Variants in ADAM22 observed in about 807,000 individuals in gnomAD.
The protein encoded by ADAM22 is ADAM metallopeptidase domain 22, also known as disintegrin and metalloproteinase domain-containing protein 22.
Under a neutral mutation model 144.6 loss-of-function variants are expected in ADAM22, and 65 were observed. The ratio of observed to expected loss-of-function variants is 0.45; its 90% CI spans 0.37 to 0.55. ADAM22 has a LOEUF of 0.55. Among genes scored for constraint, ADAM22 ranks in the 20% least tolerant of loss-of-function variants. ADAM22 has a pLI of 0.00. For missense variants in ADAM22, 974 were observed against 1,184.9 expected, an observed-to-expected ratio of 0.82 and a Z score of 2.61; for synonymous variants, 391 against 412.6, an observed-to-expected ratio of 0.95 and a Z score of 0.63.
intron 2 of ADAM22, among the ~76,000 whole-genome samples, chr7:87,964,037 G>A (rs1336492379): frequency 1.3e-5 from 2 of 152,084 alleles, no homozygotes; most frequent in Non-Finnish European, 2.9e-5. Flanking sequence ...TAGTCTTCAT[G>A]TGATTCTGAC....
chr7:88,110,398 C>A (rs1318399425), intron 5 of ADAM22, among the ~76,000 whole-genome samples: 1 of 152,060 alleles, frequency 6.6e-6, no homozygotes, highest in African/African-American at 2.4e-5. Flanking sequence ...CTAGTGTCAG[C>A]ATCTTTCTCA....
intron 2 of ADAM22, among the ~76,000 whole-genome samples, chr7:87,953,421 G>T (rs540717372): frequency 6.6e-6 from 1 of 152,112 alleles, no homozygotes; most frequent in Non-Finnish European, 1.5e-5. Flanking sequence ...TTCAGGAGCA[G>T]GTTGTTCAGT....
intron 2 of ADAM22, among the ~76,000 whole-genome samples, chr7:87,952,369 C>G (rs1193479053): frequency 6.6e-6 from 1 of 152,118 alleles, no homozygotes; most frequent in Non-Finnish European, 1.5e-5. Context: ...TGAATTTTGT[C>G]AAAGGCCTTT....
At chr7:87,970,745 G>A (rs112667077) in intron 2 of ADAM22, among the ~76,000 whole-genome samples, 5 of 152,126 alleles carry the variant, frequency 3.3e-5, no homozygotes, top group South Asian at 2.1e-4. Context: ...TATTAATTCC[G>A]CATTTTAATT....
intron 3 of ADAM22, among the ~76,000 whole-genome samples, chr7:87,988,006 T>C (rs1266848011): frequency 2.6e-5 from 4 of 152,148 alleles, no homozygotes; most frequent in African/African-American, 7.2e-5. Context: ...TCCTTTATTA[T>C]TTTGTCTATA....
At chr7:87,999,404 G>A (rs1439310020) in intron 3 of ADAM22, among the ~76,000 whole-genome samples, 2 of 111,424 alleles carry the variant, frequency 1.8e-5, no homozygotes, top group Non-Finnish European at 4.0e-5. Context: ...ACATGTGCTG[G>A]AATCAAGAAT....
At chr7:88,155,578 T>A (rs1563345295) in intron 21 of ADAM22, among the ~76,000 whole-genome samples, 1 of 151,508 alleles carries the variant, frequency 6.6e-6, no homozygotes, top group East Asian at 1.9e-4. Context: ...TATCCAGTAT[T>A]GTGTTATGGG....
At chr7:88,184,417 G>T (rs1239119996) in intron 29 of ADAM22, 1 of 368,890 alleles carries the variant, frequency 2.7e-6, no homozygotes, top group Admixed American at 3.6e-5. Flanking sequence ...GTCTCCACCT[G>T]CCCCTTCATT....
At chr7:87,993,808 G>A (rs543043650) in intron 3 of ADAM22, among the ~76,000 whole-genome samples, 1 of 152,236 alleles carries the variant, frequency 6.6e-6, no homozygotes, top group East Asian at 1.9e-4. Context: ...CCAATAGGTG[G>A]TATTTTAGGA....
At chr7:88,015,915 T>C (rs548317974) in intron 3 of ADAM22, among the ~76,000 whole-genome samples, 3 of 150,508 alleles carry the variant, frequency 2.0e-5, no homozygotes, top group Admixed American at 6.7e-5. Context: ...ACTTTTCCCA[T>C]GAGACAACTG....
intron 14 of ADAM22, among the ~76,000 whole-genome samples, chr7:88,142,634 C>A (rs147686193): frequency 2.0e-5 from 3 of 151,902 alleles, no homozygotes; most frequent in East Asian, 3.9e-4. Context: ...GTCAGGAGAT[C>A]GAGACCATCC....
chr7:88,045,120 C>T (rs1423829928), intron 3 of ADAM22, among the ~76,000 whole-genome samples: 1 of 149,438 alleles, frequency 6.7e-6, no homozygotes, highest in Non-Finnish European at 1.5e-5. Context: ...CGGGTTCAGG[C>T]GACTCTCCTG....
intron 30 of ADAM22, among the ~76,000 whole-genome samples, chr7:88,187,398 A>G (rs2129539606): frequency 6.6e-6 from 1 of 152,370 alleles, no homozygotes; most frequent in South Asian, 2.1e-4. Flanking sequence ...AACAGGAAGC[A>G]GCTGAAAATA....
intron 3 of ADAM22, among the ~76,000 whole-genome samples, chr7:87,993,661 T>G (rs900256464): frequency 2.0e-5 from 3 of 152,216 alleles, no homozygotes; most frequent in Non-Finnish European, 4.4e-5. Flanking sequence ...CCCTGATATC[T>G]TGGTTCTGTT....
intron 4 of ADAM22, 65 bp from the exon 5 acceptor site, chr7:88,108,111 T>A (rs1824933177): frequency 7.4e-7 from 1 of 1,352,868 alleles, no homozygotes; most frequent in Admixed American, 1.8e-5. Flanking sequence ...AGAAACCTCC[T>A]GTGAAATGAA....
intron 2 of ADAM22, among the ~76,000 whole-genome samples, chr7:87,946,852 A>AC (rs1554341181): frequency 6.6e-6 from 1 of 152,236 alleles, no homozygotes; most frequent in Non-Finnish European, 1.5e-5. Context: ...GTACATATAT[A>AC]CCATGGAATA....
At chr7:87,959,088 A>G (rs932133423) in intron 2 of ADAM22, among the ~76,000 whole-genome samples, 1 of 152,144 alleles carries the variant, frequency 6.6e-6, no homozygotes, top group Non-Finnish European at 1.5e-5. Context: ...TTTTCACAAA[A>G]TAAATCTCAA....
intron 4 of ADAM22, among the ~76,000 whole-genome samples, chr7:88,096,753 C>A (rs1821437265): frequency 6.6e-6 from 1 of 151,830 alleles, no homozygotes; most frequent in African/African-American, 2.4e-5. Context: ...AAACAGTTTG[C>A]AAATCATGGA....
At chr7:88,097,732 A>ATCTTC (rs1821806685) in intron 4 of ADAM22, among the ~76,000 whole-genome samples, 1 of 152,060 alleles carries the variant, frequency 6.6e-6, no homozygotes, top group Non-Finnish European at 1.5e-5. Context: ...TGCAACAATC[A>ATCTTC]TCTAGTCAGT....
Sources: allele counts gnomAD v4.1 joint callset (sites outside exome capture counted in the v4.1 genomes callset), GRCh38; gene constraint gnomAD v4.1.1; transcripts MANE v1.5; gene names NCBI Gene and HGNC (gene_info 2026-07-23, HGNC 2026-07-21).